DENND1A: variants seen among roughly 807,000 people sequenced by gnomAD.
DENND1A encodes the protein DENN domain-containing protein 1A.
Under a neutral mutation model 113.7 loss-of-function variants are expected in DENND1A, and 51 were observed. That is an observed-to-expected ratio of 0.45 (90% confidence interval 0.36 to 0.57). DENND1A has a LOEUF of 0.57. DENND1A is among the 20% of genes least tolerant of loss of function. DENND1A has a pLI of 0.00. For missense variants in DENND1A, 1,258 were observed against 1,395.9 expected (o/e 0.90, Z 1.57); for synonymous variants, 565 against 570.8 (o/e 0.99, Z 0.14).
At chr9:123,598,433 T>C (rs2059795003) in intron 11 of DENND1A, among the ~76,000 whole-genome samples, 1 of 147,776 alleles carries the variant, frequency 6.8e-6, no homozygotes, top group Admixed American at 6.7e-5. Flanking sequence ...GAAAATCACC[T>C]TTTAAAACTC....
At chr9:123,655,001 T>C (rs551744617) in intron 8 of DENND1A, among the ~76,000 whole-genome samples, 51 of 152,252 alleles carry the variant, frequency 3.3e-4, no homozygotes, top group African/African-American at 1.2e-3. Context: ...ATCCTTACTC[T>C]CTCAGGCCTG....
At position 123,764,220 on chromosome 9, in the gene DENND1A, T is replaced by C. The variant is rs1280407910; in HGVS notation, c.182+5294A>G. Among the ~76,000 whole-genome samples, 1 of 152,192 alleles carries C rather than the reference T, an allele frequency of 6.6e-6. No individual in the cohort carries two copies. The highest frequency in any genetic ancestry group is 6.5e-5 in the Admixed American group (1 of 15,282). ...GATAATGTATACAAGATAACTAGCA[T>C]ATAGTAGGTACCTGACAAAAATGAT... On this transcript the variant is annotated intron_variant, in intron 4 of 23. Coordinates refer to ENST00000394215, the MANE Select transcript of DENND1A (RefSeq NM_001352964.2). The surrounding 1 kb of genome is among the most constrained non-coding windows in gnomAD (Gnocchi z 4.1).
intron 5 of DENND1A, among the ~76,000 whole-genome samples, chr9:123,728,296 G>A (rs1564149292): frequency 6.6e-6 from 1 of 150,970 alleles, no homozygotes; most frequent in Non-Finnish European, 1.5e-5. Flanking sequence ...TGACCAACAT[G>A]GAGAAACCCT....
intron 2 of DENND1A, among the ~76,000 whole-genome samples, chr9:123,829,391 A>G (rs917311278): frequency 6.6e-6 from 1 of 152,120 alleles, no homozygotes; most frequent in Non-Finnish European, 1.5e-5. Context: ...CACAAAAAAA[A>G]TTCAGACTTA....
At chr9:123,814,576 TACA>T (rs1253644046) in intron 2 of DENND1A, among the ~76,000 whole-genome samples, 1 of 152,190 alleles carries the variant, frequency 6.6e-6, no homozygotes, top group African/African-American at 2.4e-5. Context: ...CTCAAAGCCA[TACA>T]ATAATAATAC....
At chr9:123,702,692 G>A (rs190445001) in intron 5 of DENND1A, among the ~76,000 whole-genome samples, 1 of 152,264 alleles carries the variant, frequency 6.6e-6, no homozygotes, top group African/African-American at 2.4e-5. Flanking sequence ...TGTCAACCAA[G>A]AATACTGTAC....
intron 3 of DENND1A, among the ~76,000 whole-genome samples, chr9:123,771,986 G>C (rs1444795392): frequency 6.6e-6 from 1 of 152,124 alleles, no homozygotes; most frequent in Non-Finnish European, 1.5e-5. Flanking sequence ...AGTCAAACAA[G>C]ATGGTGGTGT....
rs576896172 is a variant in DENND1A at position 123,455,766 on chromosome 9, G to A, written c.1187-987C>T. 2.2e-4 allele frequency among the ~76,000 whole-genome samples: 33 copies of A among 152,316 alleles called. No individual in the cohort carries two copies. The South Asian group carries it at 4.1e-3, about 19-fold the overall frequency. ...TTTAAATGGTGGGTCTTAACCTACT[G>A]AATAAGTGAGCTCAGTTTAACAACA... On this transcript the variant is annotated intron_variant, in intron 15 of 23. Coordinates refer to ENST00000394215, the MANE Select transcript of DENND1A (RefSeq NM_001352964.2).
At chr9:123,642,943 G>A (rs1019086256) in intron 9 of DENND1A, among the ~76,000 whole-genome samples, 2 of 152,156 alleles carry the variant, frequency 1.3e-5, no homozygotes, top group Non-Finnish European at 2.9e-5. Context: ...TAGCAAAAAC[G>A]AAGCCAAATC....
At chr9:123,540,699 A>G (rs190242752) in intron 13 of DENND1A, among the ~76,000 whole-genome samples, 1 of 152,326 alleles carries the variant, frequency 6.6e-6, no homozygotes, top group East Asian at 1.9e-4. Flanking sequence ...GAAACCAGAG[A>G]GACGAAAGAA....
At chr9:123,639,614 C>T (rs964332569) in intron 9 of DENND1A, among the ~76,000 whole-genome samples, 1 of 151,564 alleles carries the variant, frequency 6.6e-6, no homozygotes, top group East Asian at 1.9e-4. Flanking sequence ...CCCGTCTCTA[C>T]TAAAAATACA....
chr9:123,723,478 C>G (rs939884069), intron 5 of DENND1A, among the ~76,000 whole-genome samples: 3 of 152,078 alleles, frequency 2.0e-5, no homozygotes, highest in Non-Finnish European at 4.4e-5. Flanking sequence ...TGGCTGCATT[C>G]CCACCCAAAT....
intron 9 of DENND1A, among the ~76,000 whole-genome samples, chr9:123,631,907 G>C (rs6478625): frequency 0.45 from 67,966 of 152,016 alleles, 15,900 homozygotes; most frequent in African/African-American, 0.59. Flanking sequence ...GGAGATATAG[G>C]TATGAAGTGA....
chr9:123,736,931 C>T (rs1321330379), intron 5 of DENND1A, among the ~76,000 whole-genome samples: 2 of 152,100 alleles, frequency 1.3e-5, no homozygotes, highest in East Asian at 3.9e-4. Flanking sequence ...TACACTGATG[C>T]CAATGAAGAT....
In DENND1A at chr9:123,507,474, T is replaced by C. The variant is rs2053055873; in HGVS notation, c.994-49577A>G. On this transcript the variant is annotated intron_variant, in intron 13 of 23. Coordinates refer to ENST00000394215, the MANE Select transcript of DENND1A (RefSeq NM_001352964.2). ...ATTCATTAGGCAGTTATGTGCAAGG[T>C]TCTAGGCTGAGAGCCCTTCCAGATA... 2.0e-5 allele frequency among the ~76,000 whole-genome samples: 3 copies of C among 152,176 alleles called. No homozygotes were observed. In the South Asian group the frequency reaches 6.2e-4, roughly 32 times the overall value.
intron 5 of DENND1A, among the ~76,000 whole-genome samples, chr9:123,731,285 G>A (rs1211346315): frequency 6.6e-6 from 1 of 152,086 alleles, no homozygotes; most frequent in African/African-American, 2.4e-5. Flanking sequence ...GAAAAACACA[G>A]CTGGAAGATT....
intron 9 of DENND1A, among the ~76,000 whole-genome samples, chr9:123,639,039 TAAAAAAAAAA>T (rs750972974): frequency 1.2e-3 from 39 of 32,106 alleles, no homozygotes; most frequent in African/African-American, 2.8e-3. Context: ...GCATGAGTAG[TAAAAAAAAAA>T]AAAAAAAAAA....
intron 1 of DENND1A, among the ~76,000 whole-genome samples, chr9:123,906,143 T>G (rs1852779082): frequency 6.6e-6 from 1 of 151,450 alleles, no homozygotes; most frequent in Non-Finnish European, 1.5e-5. Flanking sequence ...GAAATAAAGA[T>G]GTTCTTTGAA....
At chr9:123,516,493 T>G (rs1451250314) in intron 13 of DENND1A, among the ~76,000 whole-genome samples, 4 of 151,898 alleles carry the variant, frequency 2.6e-5, no homozygotes, top group Non-Finnish European at 5.9e-5. Context: ...AAACAAAAAT[T>G]AAAACAATTC....
Sources: allele counts gnomAD v4.1 joint callset (sites outside exome capture counted in the v4.1 genomes callset), GRCh38; gene constraint gnomAD v4.1.1; non-coding constraint Gnocchi (gnomAD v3.1); transcripts MANE v1.5; gene names NCBI Gene and HGNC (gene_info 2026-07-23, HGNC 2026-07-21).